The following DIDO1 variants were observed in gnomAD, a reference collection of about 807,000 sequenced individuals.
The protein encoded by DIDO1 is death-inducer obliterator 1.
A neutral mutation model predicts 99.4 loss-of-function variants in DIDO1; 16 were observed. The observed-to-expected ratio is 0.16, with a 90% CI of 0.11 to 0.24. The LOEUF is 0.24. Ranked by LOEUF, DIDO1 falls within the 10% of genes least tolerant of loss-of-function variation. The pLI is 1.00. For synonymous variants in DIDO1, 1,366 were observed against 1,239.1 expected (o/e 1.10, Z -2.15); for missense variants, 2,996 against 3,014.0 (o/e 0.99, Z 0.14).
At chr20:62,915,503 T>C (rs1431162859) in intron 1 of DIDO1, among the ~76,000 whole-genome samples, 1 of 152,226 alleles carries the variant, frequency 6.6e-6, no homozygotes, top group Non-Finnish European at 1.5e-5. Context: ...CTTTACTTTT[T>C]AAAGAGTTGG....
Position 62,893,860 on chromosome 20 carries a change from C to T in DIDO1, c.2907G>A (p.Arg969=). 6.2e-7 allele frequency: 1 copy of T among 1,613,504 alleles called. No individual in the cohort carries two copies. The highest frequency in any genetic ancestry group is 8.5e-7 in the Non-Finnish European group (1 of 1,179,684). ...TTVTVSGRDP[R]TAPSSSCTAV... Reference sequence around the variant, plus strand: ...CTGTGCATGAACTGCTTGGAGCGGTCCTGGGGTCCCGGCCGGACACTGTGA... The same window carrying T: ...CTGTGCATGAACTGCTTGGAGCGGTTCTGGGGTCCCGGCCGGACACTGTGA... Residue 969 remains arginine (R), a synonymous_variant, in exon 12 of 16, where the codon AGG becomes AGA. Coordinates refer to ENST00000395343, the MANE Select transcript of DIDO1 (RefSeq NM_001193369.2).
chr20:62,896,083 C>T lies in DIDO1; in HGVS notation c.2214+150G>A. On this transcript the variant is annotated intron_variant, in intron 8 of 15. Coordinates refer to ENST00000395343, the MANE Select transcript of DIDO1 (RefSeq NM_001193369.2). The surrounding 1 kb of genome is among the most constrained non-coding windows in gnomAD (Gnocchi z 4.4). ...TCCAGGACGCTCAACGCCAGTGCAA[C>T]AATACGTGGGCGGCAGAAGGATCAC... 2 of 885,750 alleles carry T rather than the reference C, an allele frequency of 2.3e-6. No individual in the cohort carries two copies. Among genetic ancestry groups the T allele is most frequent in the Non-Finnish European group, 3.4e-6 (2 of 585,870 alleles). 54.9% of individuals were successfully genotyped at this position (885,750 alleles called of 1,614,324 possible).
In DIDO1 at chr20:62,911,485, G is replaced by A. The variant is rs146142385; in HGVS notation, c.128C>T (p.Ala43Val). Reference protein sequence around the residue: ...TIAKREGAGDAEADPLEPPPP... With the variant: ...TIAKREGAGDVEADPLEPPPP... ...TGGCGGCTCCAGTGGGTCAGCCTCC[G>A]CGTCCCCTGCGCCCTCTCGCTTGGC... Residue 43 changes from alanine (A) to valine (V), a missense_variant, in exon 3 of 16, where the codon GCG (alanine) becomes GTG (valine). Physicochemically the swap from Ala to Val is moderately conservative, Grantham distance 64 (BLOSUM62 0). Transcript: ENST00000395343. The surrounding 1 kb of genome is among the most constrained non-coding windows in gnomAD (Gnocchi z 7.0). The A allele has an allele frequency of 1.1e-4, 177 of 1,612,352 alleles. No homozygotes were observed. Among genetic ancestry groups the A allele is most frequent in the African/African-American group, 5.1e-4 (38 of 74,928 alleles).
chr20:62,905,930 C>A lies in DIDO1; in HGVS notation c.1545G>T (p.Lys515Asn). The stretch of plus-strand genomic sequence containing the variant: ...GCGAGGGAGCAGCAGTCTTTTCTGG[C>A]TTTACTGCATTGTAATTGTGATCGC... ...WASDHNYNAV[K>N]PEKTAAPSPS... is the part of the protein sequence containing the mutation. The change falls in exon 6 of 16, where the codon AAG (lysine) becomes AAT (asparagine). Residue 515 changes from lysine to asparagine, a missense_variant. Physicochemically the swap from Lys to Asn is moderately conservative, Grantham distance 94. Around this residue, in one of 5 missense-constraint regions of DIDO1, gnomAD observed 898 missense variants for 972.7 expected, o/e 0.92. Transcript: ENST00000395343. The A allele has an allele frequency of 6.2e-7, 1 of 1,614,130 alleles. No individual in the cohort carries two copies. The highest frequency in any genetic ancestry group is 2.2e-5 in the East Asian group (1 of 44,888).
In DIDO1 at chr20:62,896,826, G is replaced by C. The variant is rs150365201; in HGVS notation, c.1759C>G (p.Pro587Ala). The stretch of plus-strand genomic sequence containing the variant: ...GGGATGGTGCCCTTGAAACCTGAGG[G>C]TGGCTTTTTAATGGCTGGTGTGGCT... ...AAATPAIKKP[P>A]SGFKGTIPKR... The change falls in exon 7 of 16, where the codon CCC (proline) becomes GCC (alanine). Residue 587 changes from proline to alanine, a missense_variant. Coordinates refer to ENST00000395343, the MANE Select transcript of DIDO1 (RefSeq NM_001193369.2). This position sits in a 1 kb window ranked among gnomAD's most constrained non-coding sequence, Gnocchi z 4.4. 6.2e-7 allele frequency: 1 copy of C among 1,614,116 alleles called. No homozygotes were observed. The highest frequency in any genetic ancestry group is 1.3e-5 in the African/African-American group (1 of 74,958).
chr20:62,898,158 C>A (rs992295446), intron 6 of DIDO1, among the ~76,000 whole-genome samples: 2 of 152,232 alleles, frequency 1.3e-5, no homozygotes, highest in Non-Finnish European at 2.9e-5. Context: ...CCTCCCCCGT[C>A]GTCTTACTGA....
intron 1 of DIDO1, among the ~76,000 whole-genome samples, chr20:62,917,340 G>A (rs1281320831): frequency 3.3e-5 from 5 of 152,060 alleles, no homozygotes; most frequent in Non-Finnish European, 2.9e-5. Flanking sequence ...CGATAATGTC[G>A]GGTCCAATCT....
Position 62,910,933 on chromosome 20 carries a change from G to C in DIDO1, c.680C>G (p.Ser227Cys). Residue 227 changes from serine to cysteine, a missense_variant, in exon 3 of 16, where the codon TCC (serine) becomes TGC (cysteine). Coordinates refer to ENST00000395343, the MANE Select transcript of DIDO1 (RefSeq NM_001193369.2). ...CTCTCTGTCATCTTTCCCAGCCTGGGACACAACCCCCTGATCGTTCTCGGG... is the reference window on the plus strand; with the variant it reads ...CTCTCTGTCATCTTTCCCAGCCTGGCACACAACCCCCTGATCGTTCTCGGG... The part of the protein sequence containing the change: ...QEPENDQGVV[S>C]QAGKDDRESK... 6 of 1,614,084 alleles carry C rather than the reference G, an allele frequency of 3.7e-6. No homozygotes were observed. The highest frequency in any genetic ancestry group is 5.1e-6 in the Non-Finnish European group (6 of 1,180,016).
intron 1 of DIDO1, among the ~76,000 whole-genome samples, chr20:62,921,414 G>T (rs1334791077): frequency 6.6e-6 from 1 of 152,172 alleles, no homozygotes; most frequent in African/African-American, 2.4e-5. Flanking sequence ...GGCCATTCCG[G>T]TTCAGTCAGG....
At chr20:62,915,913 A>T (rs968138000) in intron 1 of DIDO1, among the ~76,000 whole-genome samples, 1 of 152,246 alleles carries the variant, frequency 6.6e-6, no homozygotes, top group African/African-American at 2.4e-5. Context: ...AGTTCTGAGT[A>T]ATCAGAAAAA....
At position 62,909,809 on chromosome 20, in the gene DIDO1, T is replaced by A. The variant is rs772628271; in HGVS notation, c.1051A>T (p.Thr351Ser). The change falls in exon 4 of 16, where the codon ACA becomes TCA. Residue 351 changes from threonine to serine, a missense_variant. Coordinates refer to ENST00000395343, the MANE Select transcript of DIDO1 (RefSeq NM_001193369.2). ...RPGDADGTDC[T>S]SIGTIEQKSS... ...TTCTGCTCTATTGTTCCTATACTTGTACAATCGGTGCCATCAGCATCTCCA... is the reference window on the plus strand; with the variant it reads ...TTCTGCTCTATTGTTCCTATACTTGAACAATCGGTGCCATCAGCATCTCCA... The A allele has an allele frequency of 1.2e-6, 2 of 1,614,136 alleles. No homozygotes were observed. The highest frequency in any genetic ancestry group is 2.7e-5 in the African/African-American group (2 of 74,944).
chr20:62,890,520 T>C (rs1288096070), intron 15 of DIDO1: 30 of 997,840 alleles, frequency 3.0e-5, no homozygotes, highest in East Asian at 2.1e-4. Context: ...TATGTCATTA[T>C]TGTTAAGTCT....
intron 1 of DIDO1, among the ~76,000 whole-genome samples, chr20:62,924,164 G>C (rs1312427377): frequency 6.6e-6 from 1 of 152,154 alleles, no homozygotes; most frequent in Admixed American, 6.5e-5. Flanking sequence ...TTTGATAGTA[G>C]TCATAAAAAG....
intron 6 of DIDO1, chr20:62,905,232 G>C (rs2064774277): frequency 1.6e-6 from 2 of 1,281,680 alleles, no homozygotes; most frequent in South Asian, 3.8e-5. Flanking sequence ...GGTCAGGACA[G>C]TGTTCTAGGT....
chr20:62,932,045 A>G (rs1028110431), intron 1 of DIDO1, among the ~76,000 whole-genome samples: 1 of 152,238 alleles, frequency 6.6e-6, no homozygotes, highest in African/African-American at 2.4e-5. Context: ...TGGGAACTGG[A>G]GGTTTTTTCC....
In DIDO1 at chr20:62,922,100, CTATATAT is replaced by C. The variant is rs1293510291; in HGVS notation, c.-200+4332_-200+4338del. Among the ~76,000 whole-genome samples, 11 of 69,588 alleles carry C rather than the reference CTATATAT, an allele frequency of 1.6e-4. No individual in the cohort carries two copies. The East Asian group carries it at 4.4e-3, about 28-fold the overall frequency. 45.7% of individuals were successfully genotyped at this position (69,588 alleles called of 152,430 possible). On this transcript the variant is annotated intron_variant, in intron 1 of 15. Transcript: ENST00000395343. ...ACTATATACACACTATATATACACA[CTATATAT>C]ATACACACACACACACACATATATA... is the stretch of plus-strand genomic sequence containing the variant.
chr20:62,908,548 T>C (rs762017607), intron 4 of DIDO1, among the ~76,000 whole-genome samples: 3 of 152,226 alleles, frequency 2.0e-5, no homozygotes, highest in Non-Finnish European at 2.9e-5. Flanking sequence ...TGATCAGGCC[T>C]CAACACACAC....
chr20:62,887,323 C>T, intron 15 of DIDO1: 1 of 985,466 alleles, frequency 1.0e-6, no homozygotes, highest in Non-Finnish European at 1.2e-6. Context: ...TACATACACA[C>T]ATGAAAACTG....
rs568138430 is a variant in DIDO1 at position 62,899,697 on chromosome 20, C to G, written c.1589-2701G>C. On this transcript the variant is annotated intron_variant, in intron 6 of 15. Transcript: ENST00000395343. ...CCTTTCTAAAGGCAACCTTTGTCAT[C>G]CCTCATCTGTGCTTTAAAGAGCATG... 2.6e-5 allele frequency among the ~76,000 whole-genome samples: 4 copies of G among 152,340 alleles called. 1 individual carries two copies. The highest frequency in any genetic ancestry group is 9.6e-5 in the African/African-American group (4 of 41,572).
Sources: gnomAD v4.1 joint callset for allele counts (sites outside exome capture counted in the v4.1 genomes callset) on GRCh38, gnomAD v4.1.1 for gene constraint, gnomAD v4.1.1 regional missense constraint, Gnocchi (gnomAD v3.1) non-coding constraint, MANE v1.5 for transcripts, NCBI Gene and HGNC (gene_info 2026-07-23, HGNC 2026-07-21) for gene names.